The following EXT1 variants were observed in gnomAD, a reference collection of about 807,000 sequenced individuals.
EXT1 encodes the protein exostosin-1.
In EXT1, 20 loss-of-function variants were observed where a neutral mutation model predicts 82.5. The observed-to-expected ratio is 0.24, with a 90% CI of 0.17 to 0.35. EXT1 has a LOEUF of 0.35. EXT1 is among the 10% of genes least tolerant of loss of function. EXT1 has a pLI of 1.00. For missense variants in EXT1, 757 were observed against 936.5 expected (o/e 0.81, Z 2.50); for synonymous variants, 348 against 350.8 (o/e 0.99, Z 0.09).
At chr8:117,940,858 G>T (rs1814258453) in intron 1 of EXT1, among the ~76,000 whole-genome samples, 1 of 152,148 alleles carries the variant, frequency 6.6e-6, no homozygotes. Flanking sequence ...CCCCTAGGCT[G>T]CTGGGATCTT....
intron 1 of EXT1, among the ~76,000 whole-genome samples, chr8:117,870,792 AG>A (rs1812854965): frequency 6.7e-6 from 1 of 150,194 alleles, no homozygotes; most frequent in Non-Finnish European, 1.5e-5. Flanking sequence ...TATCCACATC[AG>A]GACTCAGTGG....
chr8:118,055,021 A>G (rs146525976), intron 1 of EXT1, among the ~76,000 whole-genome samples: 1 of 152,250 alleles, frequency 6.6e-6, no homozygotes. Flanking sequence ...GATAAATTGC[A>G]CATTGGTAAA....
Position 117,918,957 on chromosome 8 carries a change from C to T in EXT1, c.963-81756G>A, listed in dbSNP as rs1813804594. Among the ~76,000 whole-genome samples the T allele has an allele frequency of 4.7e-5, 5 of 106,920 alleles. No individual in the cohort carries two copies. In the South Asian group the frequency reaches 2.0e-3, roughly 42 times the overall value. The allele number at this position is 106,920 out of a possible 152,430, so 70.1% of individuals were successfully genotyped here. ...TCCCCTAAGTGAACCCTCTAATATT[C>T]CTGAGGCAAAAAAAAAATCTACTGT... On this transcript the variant is annotated intron_variant, in intron 1 of 10. Coordinates refer to ENST00000378204, the MANE Select transcript of EXT1 (RefSeq NM_000127.3).
At chr8:118,064,768 T>C (rs1391200788) in intron 1 of EXT1, among the ~76,000 whole-genome samples, 1 of 152,162 alleles carries the variant, frequency 6.6e-6, no homozygotes, top group African/African-American at 2.4e-5. Context: ...TCTTCCACAA[T>C]GGTTGAACTA....
rs865833893 is a variant in EXT1 at position 117,923,565 on chromosome 8, A to G, written c.963-86364T>C. Among the ~76,000 whole-genome samples the G allele has an allele frequency of 2.2e-4, 33 of 151,350 alleles. No individual in the cohort carries two copies. In the South Asian group the frequency reaches 2.3e-3, roughly 10 times the overall value. On this transcript the variant is annotated intron_variant, in intron 1 of 10. Coordinates refer to ENST00000378204, the MANE Select transcript of EXT1 (RefSeq NM_000127.3). ...ACCCCATCTCTACTAAAAAAAAAAA[A>G]AATACAAAAAATTAGCCAGGCATGG...
intron 5 of EXT1, 113 bp from the exon 6 acceptor site, chr8:117,819,907 T>C (rs1472770043): frequency 5.0e-6 from 5 of 1,003,418 alleles, no homozygotes; most frequent in Non-Finnish European, 7.7e-6. Flanking sequence ...TCCTGGATGA[T>C]TTCTCCTTTG....
At chr8:117,884,117 A>G (rs947763501) in intron 1 of EXT1, among the ~76,000 whole-genome samples, 16 of 152,102 alleles carry the variant, frequency 1.1e-4, no homozygotes, top group Non-Finnish European at 1.8e-4. Flanking sequence ...ATGGCCATAC[A>G]CTTGAAACAA....
intron 1 of EXT1, among the ~76,000 whole-genome samples, chr8:117,927,825 C>A (rs1001217621): frequency 2.6e-5 from 4 of 152,168 alleles, no homozygotes; most frequent in Non-Finnish European, 4.4e-5. Flanking sequence ...AAATCCTGAA[C>A]AATTTTTGAA....
Position 118,076,752 on chromosome 8 carries a change from A to C in EXT1, c.962+33333T>G, listed in dbSNP as rs1022279777. Among the ~76,000 whole-genome samples, 7 of 152,228 alleles carry C rather than the reference A, an allele frequency of 4.6e-5. No individual in the cohort carries two copies. The South Asian group carries it at 1.0e-3, about 23-fold the overall frequency. On this transcript the variant is annotated intron_variant, in intron 1 of 10. Transcript: ENST00000378204. ...CGAGATGCCTTTGTTTCTTAAGTAA[A>C]TCAATTACTTATTTTTTATCTTGTA...
chr8:117,919,866 T>C (rs775382147), intron 1 of EXT1, among the ~76,000 whole-genome samples: 6 of 152,184 alleles, frequency 3.9e-5, no homozygotes, highest in Middle Eastern at 3.2e-3. Flanking sequence ...ATGAATCAAC[T>C]ATATTTTATT....
chr8:117,870,013 GA>G (rs1011006112), intron 1 of EXT1, among the ~76,000 whole-genome samples: 5 of 152,044 alleles, frequency 3.3e-5, no homozygotes, highest in South Asian at 2.1e-4. Context: ...CCCCTGTTGC[GA>G]GAATCAATGT....
intron 1 of EXT1, among the ~76,000 whole-genome samples, chr8:118,059,965 T>C (rs1005235112): frequency 1.3e-5 from 2 of 152,172 alleles, no homozygotes; most frequent in Non-Finnish European, 2.9e-5. Context: ...AAAGAACACA[T>C]TTCTTTACTG....
intron 1 of EXT1, among the ~76,000 whole-genome samples, chr8:117,983,518 A>G (rs1044589713): frequency 1.3e-5 from 2 of 152,160 alleles, no homozygotes; most frequent in African/African-American, 4.8e-5. Flanking sequence ...GAAAATCCAA[A>G]TGGCAACATG....
chr8:117,898,744 T>C (rs1480176017), intron 1 of EXT1, among the ~76,000 whole-genome samples: 2 of 152,152 alleles, frequency 1.3e-5, no homozygotes, highest in Non-Finnish European at 2.9e-5. Flanking sequence ...CAAGCATAGA[T>C]TCCAATTCTA....
chr8:118,043,235 T>G (rs1368966868), intron 1 of EXT1, among the ~76,000 whole-genome samples: 4 of 152,034 alleles, frequency 2.6e-5, no homozygotes, highest in African/African-American at 7.3e-5. Flanking sequence ...CTGAAGCCAT[T>G]ACAGTCCACG....
chr8:118,103,633 G>A (rs922536247), intron 1 of EXT1, among the ~76,000 whole-genome samples: 28 of 152,048 alleles, frequency 1.8e-4, no homozygotes, highest in African/African-American at 6.0e-4. Flanking sequence ...CACCTGCAGC[G>A]ACATCTCCAG....
intron 1 of EXT1, among the ~76,000 whole-genome samples, chr8:117,951,255 A>G (rs1029022845): frequency 1.3e-5 from 2 of 152,142 alleles, no homozygotes; most frequent in African/African-American, 4.8e-5. Context: ...TGATTTGTAT[A>G]TTTCCCTACC....
rs117063558 is a variant in EXT1, at chr8:117,955,819, A to G, written c.963-118618T>C. Reference sequence around the variant, plus strand: ...CAATTTGCCTGCCTTAGCCTCCCCAAGTTCTGTGATTACAGGTGCAGGACA... The same window carrying G: ...CAATTTGCCTGCCTTAGCCTCCCCAGGTTCTGTGATTACAGGTGCAGGACA... On this transcript the variant is annotated intron_variant, in intron 1 of 10. Transcript: ENST00000378204. Among the ~76,000 whole-genome samples the G allele has an allele frequency of 1.1e-3, 163 of 152,258 alleles. No homozygotes were observed. In the East Asian group the frequency reaches 0.027, roughly 25 times the overall value.
At chr8:118,073,706 A>AGAGAAGAGAG (rs1817150374) in intron 1 of EXT1, among the ~76,000 whole-genome samples, 1 of 128,242 alleles carries the variant, frequency 7.8e-6, no homozygotes, top group Non-Finnish European at 1.6e-5. Flanking sequence ...AGAGAAGAGA[A>AGAGAAGAGAG]GCCTCTTAAG....
Sources: allele counts gnomAD v4.1 joint callset (sites outside exome capture counted in the v4.1 genomes callset), GRCh38; gene constraint gnomAD v4.1.1; transcripts MANE v1.5; gene names NCBI Gene and HGNC (gene_info 2026-07-23, HGNC 2026-07-21).